The following CNKSR3 variants were observed in gnomAD, a reference collection of about 807,000 sequenced individuals.
CNKSR3 encodes the protein CNKSR family member 3.
Under a neutral mutation model 67.7 loss-of-function variants are expected in CNKSR3, and 36 were observed. That is an observed-to-expected ratio of 0.53 (90% CI 0.41 to 0.70). The LOEUF (loss-of-function observed/expected upper bound fraction) is 0.70, where lower values mean the gene tolerates loss of function less well. CNKSR3 is among the 30% of genes least tolerant of loss of function. The pLI, the probability that CNKSR3 is intolerant of heterozygous loss-of-function variation, is 0.00. For missense variants in CNKSR3, 630 were observed against 695.2 expected, an observed-to-expected ratio of 0.91 and a Z score of 1.05; for synonymous variants, 281 against 271.4, an observed-to-expected ratio of 1.04 and a Z score of -0.35.
At position 154,450,133 on chromosome 6, in the gene CNKSR3, C is replaced by G; in HGVS notation, c.178G>C (p.Glu60Gln). 2 of 1,614,168 alleles carry G rather than the reference C, an allele frequency of 1.2e-6. No individual in the cohort carries two copies. Among genetic ancestry groups the G allele is most frequent in the Non-Finnish European group, 1.7e-6 (2 of 1,180,020 alleles). Residue 60 changes from glutamate to glutamine, a missense_variant, in exon 2 of 13, where the codon GAG becomes CAG. This residue lies in a region of CNKSR3 where 189 missense variants were observed against 205.0 expected (regional missense o/e 0.92). Coordinates refer to ENST00000607772, the MANE Select transcript of CNKSR3 (RefSeq NM_173515.4). The stretch of plus-strand genomic sequence containing the variant: ...AGGTCCACAGCCTCCAACACAAGCT[C>G]CTGGTGTCCAATCCGTGTGACCCCC... ...ELGVTRIGHQ[E>Q]LVLEAVDLLC... is the part of the protein sequence containing the mutation.
chr6:154,410,291 G>T, intron 12 of CNKSR3, 52 bp downstream of exon 12: 1 of 1,301,656 alleles, frequency 7.7e-7, no homozygotes, highest in Non-Finnish European at 1.1e-6. Context: ...CCAGGCCCTG[G>T]GGCTGTTCAC....
At chr6:154,415,101 A>G (rs1413171131) in intron 9 of CNKSR3, among the ~76,000 whole-genome samples, 1 of 71,008 alleles carries the variant, frequency 1.4e-5, no homozygotes, top group Admixed American at 1.2e-4. Context: ...CTGTCTCAAA[A>G]AAAAAAAAAA....
chr6:154,491,163 T>A (rs1786777707), intron 1 of CNKSR3, among the ~76,000 whole-genome samples: 1 of 152,142 alleles, frequency 6.6e-6, no homozygotes, highest in African/African-American at 2.4e-5. Context: ...TCAATTTAAA[T>A]GTCTCTTCCT....
chr6:154,473,841 G>A (rs1269099747), intron 1 of CNKSR3, among the ~76,000 whole-genome samples: 2 of 151,848 alleles, frequency 1.3e-5, no homozygotes, highest in African/African-American at 2.4e-5. Flanking sequence ...CTGGAGTGCA[G>A]TGGCATGATC....
rs1344819817 is a variant in CNKSR3, at chr6:154,428,159, C to T, written c.698G>A (p.Gly233Glu). The T allele has an allele frequency of 6.2e-7, 1 of 1,610,266 alleles. No individual in the cohort carries two copies. Among genetic ancestry groups the T allele is most frequent in the Non-Finnish European group, 8.5e-7 (1 of 1,176,730 alleles). The change falls in exon 7 of 13, where the codon GGG (glycine) becomes GAG (glutamate). Residue 233 changes from glycine (G) to glutamate (E), a missense_variant. Coordinates refer to ENST00000607772, the MANE Select transcript of CNKSR3 (RefSeq NM_173515.4). ...LGMYIKSTYD[G>E]LHVITGTTEN... ...TGTGGTTCCAGTAATCACGTGTAAC[C>T]CATCATAGGTTGATTTGATGTACAT...
intron 1 of CNKSR3, among the ~76,000 whole-genome samples, chr6:154,467,544 G>A (rs1251115451): frequency 6.6e-6 from 1 of 152,116 alleles, no homozygotes; most frequent in Non-Finnish European, 1.5e-5. Context: ...TAAGCAAGAA[G>A]CATAGGTCAT....
intron 1 of CNKSR3, among the ~76,000 whole-genome samples, chr6:154,474,553 G>A (rs6939255): frequency 0.041 from 6,316 of 152,220 alleles, 198 homozygotes; most frequent in African/African-American, 0.083. Flanking sequence ...GTAAAGGACC[G>A]TGGAAGGATT....
chr6:154,415,097 CAAAAAAAAAAAAA>C (rs1157415390), intron 9 of CNKSR3, among the ~76,000 whole-genome samples: 1 of 33,242 alleles, frequency 3.0e-5, no homozygotes, highest in African/African-American at 7.7e-5. Context: ...GACTCTGTCT[CAAAAAAAAAAAAA>C]AAAAAAAAAA....
intron 1 of CNKSR3, among the ~76,000 whole-genome samples, chr6:154,453,641 T>C (rs1785886573): frequency 6.6e-6 from 1 of 152,228 alleles, no homozygotes; most frequent in Non-Finnish European, 1.5e-5. Context: ...CCCAGAGTTT[T>C]ATTATTCCAA....
chr6:154,488,265 T>G (rs530689649), intron 1 of CNKSR3, among the ~76,000 whole-genome samples: 1 of 152,350 alleles, frequency 6.6e-6, no homozygotes, highest in African/African-American at 2.4e-5. Flanking sequence ...TATAACAGAT[T>G]GATTTCACAT....
chr6:154,449,399 T>G (rs1785776190), intron 2 of CNKSR3, among the ~76,000 whole-genome samples: 1 of 152,200 alleles, frequency 6.6e-6, no homozygotes, highest in Admixed American at 6.5e-5. Context: ...CTCTGCTCAC[T>G]GCAGCCTCCA....
chr6:154,501,970 A>G (rs1787006832), intron 1 of CNKSR3, among the ~76,000 whole-genome samples: 1 of 152,196 alleles, frequency 6.6e-6, no homozygotes, highest in African/African-American at 2.4e-5. Flanking sequence ...ATTGTCATAA[A>G]TTATTAATAA....
intron 5 of CNKSR3, among the ~76,000 whole-genome samples, chr6:154,433,242 CAGAG>C (rs1254034519): frequency 6.6e-6 from 1 of 152,024 alleles, no homozygotes; most frequent in African/African-American, 2.4e-5. Flanking sequence ...AAAAATAAAA[CAGAG>C]ACTCGATGTA....
rs1372802757 is a variant in CNKSR3 at position 154,414,368 on chromosome 6, A to G, written c.1001T>C (p.Leu334Pro). The change falls in exon 10 of 13, where the codon CTG becomes CCG. Residue 334 changes from leucine (L) to proline (P), a missense_variant. Leu to Pro is a moderately conservative substitution (Grantham distance 98). Coordinates refer to ENST00000607772, the MANE Select transcript of CNKSR3 (RefSeq NM_173515.4). Reference sequence around the variant, plus strand: ...CAGGATGGCTGACTTCTCCTTCTTCAGTGAGGTATCCATAGTGCTTTCAGG... The same window carrying G: ...CAGGATGGCTGACTTCTCCTTCTTCGGTGAGGTATCCATAGTGCTTTCAGG... ...QSPESTMDTSLKKEKSAILDL... is the reference protein window; with the variant it reads ...QSPESTMDTSPKKEKSAILDL... 6.2e-7 allele frequency: 1 copy of G among 1,611,972 alleles called. No individual in the cohort carries two copies. The highest frequency in any genetic ancestry group is 8.5e-7 in the Non-Finnish European group (1 of 1,179,278).
At position 154,451,360 on chromosome 6, in the gene CNKSR3, A is replaced by G. The variant is rs538239620; in HGVS notation, c.53-1102T>C. ...CCTTAGTGTTTTAAAAGACTTAGTG[A>G]TTTAAAAGTGTTTTAAAAGTTATAT... On this transcript the variant is annotated intron_variant, in intron 1 of 12. Transcript: ENST00000607772. 1.5e-4 allele frequency among the ~76,000 whole-genome samples: 23 copies of G among 152,366 alleles called. No individual in the cohort carries two copies. The South Asian group carries it at 4.1e-3, about 27-fold the overall frequency.
intron 9 of CNKSR3, among the ~76,000 whole-genome samples, chr6:154,419,752 A>T (rs1010401361): frequency 1.3e-5 from 2 of 152,162 alleles, no homozygotes; most frequent in Non-Finnish European, 2.9e-5. Context: ...TGTGGTGTAT[A>T]TACACAAGGG....
intron 1 of CNKSR3, among the ~76,000 whole-genome samples, chr6:154,472,781 C>G (rs1391800844): frequency 1.4e-5 from 2 of 144,370 alleles, no homozygotes; most frequent in Non-Finnish European, 3.0e-5. Flanking sequence ...AGAACTACCA[C>G]TAAGAGTACA....
chr6:154,490,661 TC>T (rs934960300), intron 1 of CNKSR3, among the ~76,000 whole-genome samples: 1 of 152,110 alleles, frequency 6.6e-6, no homozygotes, highest in African/African-American at 2.4e-5. Context: ...AACATCCCAC[TC>T]CCGACTCTCC....
In CNKSR3 at chr6:154,406,959, A is replaced by G. The variant is rs1486779577; in HGVS notation, c.1370-307T>C. On this transcript the variant is annotated intron_variant, in intron 12 of 12. Transcript: ENST00000607772. ...AGAGCGAGACTCTGTCCCCTCCAGGAAAAAAAAAAAAAAATCACAATCCCC... is the reference window on the plus strand; with the variant it reads ...AGAGCGAGACTCTGTCCCCTCCAGGGAAAAAAAAAAAAAATCACAATCCCC... Among the ~76,000 whole-genome samples, 3 of 16,078 alleles carry G rather than the reference A, an allele frequency of 1.9e-4. No homozygotes were observed. In the South Asian group the frequency reaches 4.7e-3, roughly 25 times the overall value. The allele number at this position is 16,078 out of a possible 152,430, so 10.5% of individuals were successfully genotyped here. A position where few individuals can be genotyped will look rare whatever the true frequency, so the allele number is the denominator to read the frequency against.
Sources: allele counts gnomAD v4.1 joint callset (sites outside exome capture counted in the v4.1 genomes callset), GRCh38; gene constraint gnomAD v4.1.1; regional missense constraint gnomAD v4.1.1; transcripts MANE v1.5; gene names NCBI Gene and HGNC (gene_info 2026-07-23, HGNC 2026-07-21).